APOL1: variants seen among roughly 807,000 people sequenced by gnomAD.
APOL1 encodes the protein apolipoprotein L1, also known as apolipoprotein L 1.
APOL1 carries 17 observed loss-of-function variants against 14.9 expected under a neutral mutation model. The ratio of observed to expected loss-of-function variants is 1.14; its 90% CI spans 0.78 to 1.71. APOL1 has a LOEUF of 1.71. APOL1 is among the 40% of genes most tolerant of loss of function. The pLI, the probability that APOL1 is intolerant of heterozygous loss-of-function variation, is 0.00. For missense variants in APOL1, 523 were observed against 485.9 expected, an observed-to-expected ratio of 1.08 and a Z score of -0.72; for synonymous variants, 195 against 184.8, an observed-to-expected ratio of 1.05 and a Z score of -0.45.
chr22:36,256,309 C>A (rs2015875606), intron 2 of APOL1, among the ~76,000 whole-genome samples: 1 of 152,106 alleles, frequency 6.6e-6, no homozygotes, highest in Non-Finnish European at 1.5e-5. Flanking sequence ...AGGTATAAAG[C>A]CTTTTGAGTT....
intron 4 of APOL1, among the ~76,000 whole-genome samples, chr22:36,259,505 C>T (rs2016006228): frequency 1.3e-5 from 2 of 152,148 alleles, no homozygotes; most frequent in Admixed American, 6.5e-5. Context: ...CCGCCCTGGA[C>T]AGCAAACTGG....
chr22:36,254,999 G>T lies in APOL1; in HGVS notation c.44G>T (p.Trp15Leu). The T allele has an allele frequency of 6.2e-7, 1 of 1,613,674 alleles. No individual in the cohort carries two copies. Among genetic ancestry groups the T allele is most frequent in the South Asian group, 1.1e-5 (1 of 91,080 alleles). Reference protein sequence around the residue: ...ALLRVSVLCIWMSALFLGVGV... With the variant: ...ALLRVSVLCILMSALFLGVGV... The stretch of plus-strand genomic sequence containing the variant: ...CTGAGAGTCTCTGTCCTCTGCATCT[G>T]GTGAGCTTGGCTCAGAGCCCTGAGG... Residue 15 changes from tryptophan (W) to leucine (L), a missense_variant and splice_region_variant, in exon 2 of 6, where the codon TGG becomes TTG. Physicochemically the swap from Trp to Leu is moderately conservative, Grantham distance 61. Coordinates refer to ENST00000397278, the MANE Select transcript of APOL1 (RefSeq NM_003661.4).
At position 36,265,918 on chromosome 22, in the gene APOL1, AG is replaced by A. The variant is rs1419190318; in HGVS notation, c.1087del (p.Ala363GlnfsTer9). 3 of 1,614,062 alleles carry A rather than the reference AG, an allele frequency of 1.9e-6. No homozygotes were observed. The highest frequency in any genetic ancestry group is 2.5e-6 in the Non-Finnish European group (3 of 1,180,014). ...GTGTACGAATCAAAGCACTTACATG[AG>A]GGGGCAAAGTCAGAGACAGCTGAGG... is the stretch of plus-strand genomic sequence containing the variant. ...YLVYESKHLH[E>X]GAKSETAEEL... On this transcript the variant is annotated frameshift_variant, in exon 6 of 6. Coordinates refer to ENST00000397278, the MANE Select transcript of APOL1 (RefSeq NM_003661.4). LOFTEE classifies it low-confidence loss of function (END_TRUNC).
intron 4 of APOL1, among the ~76,000 whole-genome samples, chr22:36,260,658 G>T (rs559146524): frequency 4.7e-4 from 72 of 152,262 alleles, no homozygotes; most frequent in African/African-American, 1.7e-3. Context: ...AAACATGTGT[G>T]GGTGTGATTA....
Position 36,265,475 on chromosome 22 carries a change from G to A in APOL1, c.639G>A (p.Glu213=). The A allele has an allele frequency of 1.2e-6, 2 of 1,614,140 alleles. No homozygotes were observed. The highest frequency in any genetic ancestry group is 1.1e-5 in the South Asian group (1 of 91,088). The change falls in exon 6 of 6, where the codon GAG becomes GAA. Residue 213 remains glutamate, a synonymous_variant. Coordinates refer to ENST00000397278, the MANE Select transcript of APOL1 (RefSeq NM_003661.4). ...GSLVLLEPGM[E]LGITAALTGI... ...TTGTACTCTTGGAACCTGGGATGGA[G>A]TTGGGAATCACAGCCGCTTTGACCG...
Position 36,265,449 on chromosome 22 carries a change from C to T in APOL1, c.613C>T (p.Leu205Phe). Residue 205 changes from leucine (L) to phenylalanine (F), a missense_variant, in exon 6 of 6, where the codon CTT (leucine) becomes TTT (phenylalanine). Physicochemically the swap from Leu to Phe is conservative, Grantham distance 22 (BLOSUM62 0). Transcript: ENST00000397278. Reference protein sequence around the residue: ...GLAPFTEGGSLVLLEPGMELG... With the variant: ...GLAPFTEGGSFVLLEPGMELG... ...GGCACCCTTCACAGAGGGAGGCAGC[C>T]TTGTACTCTTGGAACCTGGGATGGA... 1 of 1,614,094 alleles carries T rather than the reference C, an allele frequency of 6.2e-7. No individual in the cohort carries two copies. Among genetic ancestry groups the T allele is most frequent in the South Asian group, 1.1e-5 (1 of 91,076 alleles).
intron 1 of APOL1, among the ~76,000 whole-genome samples, chr22:36,254,533 C>G (rs999958540): frequency 6.6e-6 from 1 of 152,138 alleles, no homozygotes; most frequent in Non-Finnish European, 1.5e-5. Flanking sequence ...TGTCAAAGCC[C>G]TGCAGCCTGG....
chr22:36,255,480 A>G (rs2015841978), intron 2 of APOL1, among the ~76,000 whole-genome samples: 1 of 152,080 alleles, frequency 6.6e-6, no homozygotes. Context: ...TACAGCAAGA[A>G]GGGCCCAGAC....
intron 2 of APOL1, 26 bp from the exon 3 acceptor site, chr22:36,257,057 A>G (rs373384856): frequency 2.3e-5 from 37 of 1,613,688 alleles, no homozygotes; most frequent in Non-Finnish European, 3.0e-5. Context: ...CCGTCCTCTG[A>G]TTATCTTCTC....
chr22:36,254,087 T>G (rs962743576), intron 1 of APOL1: 30 of 1,456,644 alleles, frequency 2.1e-5, no homozygotes, highest in Non-Finnish European at 3.8e-6. Flanking sequence ...CAAACATTTT[T>G]GCTTCAATAT....
chr22:36,259,946 C>T, intron 4 of APOL1: 1 of 1,239,250 alleles, frequency 8.1e-7, no homozygotes, highest in East Asian at 5.8e-5. Context: ...ATGCAGAGAC[C>T]ACAGGCATTT....
intron 4 of APOL1, 57 bp from the exon 5 acceptor site, chr22:36,261,539 G>C: frequency 6.5e-7 from 1 of 1,544,298 alleles, no homozygotes; most frequent in Admixed American, 1.7e-5. Flanking sequence ...CTTATGCAAT[G>C]GCTGTTATGC....
At chr22:36,262,686 G>A (rs549054895) in intron 5 of APOL1, among the ~76,000 whole-genome samples, 1 of 152,290 alleles carries the variant, frequency 6.6e-6, no homozygotes, top group South Asian at 2.1e-4. Context: ...ATGTGAGTGG[G>A]AGAGGGATAT....
At chr22:36,262,100 A>G (rs2016093366) in intron 5 of APOL1, among the ~76,000 whole-genome samples, 1 of 151,856 alleles carries the variant, frequency 6.6e-6, no homozygotes, top group South Asian at 2.1e-4. Context: ...TAACGTTAAC[A>G]TCTTACAAGC....
chr22:36,254,846 G>C lies in APOL1; in HGVS notation c.-19-91G>C, dbSNP rs556305531. The C allele has an allele frequency of 2.5e-4, 391 of 1,539,650 alleles. 2 individuals carry two copies. In the African/African-American group the frequency reaches 5.0e-3, roughly 20 times the overall value. On this transcript the variant is annotated intron_variant, in intron 1 of 5. Transcript: ENST00000397278. ...CCACTGCACTCCAGCCTGGGTGATA[G>C]AGCGAGACTCCATTTCAAAAAAAAA...
chr22:36,266,959 G>A lies in APOL1; in HGVS notation c.*926G>A, dbSNP rs2016294481. On this transcript the variant is annotated 3_prime_UTR_variant, in exon 6 of 6. Coordinates refer to ENST00000397278, the MANE Select transcript of APOL1 (RefSeq NM_003661.4). ...GGAAGAATAGAGAGGAGGCTTGAAG[G>A]AACCAGCAATGAGAAGGCCAGGAAA... The A allele has an allele frequency of 6.4e-6, 1 of 155,826 alleles. No homozygotes were observed. The highest frequency in any genetic ancestry group is 1.4e-5 in the Non-Finnish European group (1 of 70,680). The allele number at this position is 155,826 out of a possible 1,614,324, so 9.7% of individuals were successfully genotyped here. A position where few individuals can be genotyped will look rare whatever the true frequency, so the allele number is the denominator to read the frequency against.
In APOL1 at chr22:36,266,095, C is replaced by CTTT; in HGVS notation, c.*72_*74dup. 8.7e-7 allele frequency: 1 copy of CTTT among 1,151,136 alleles called. No individual in the cohort carries two copies. Among genetic ancestry groups the CTTT allele is most frequent in the Non-Finnish European group, 1.2e-6 (1 of 851,920 alleles). The allele number at this position is 1,151,136 out of a possible 1,614,324, so 71.3% of individuals were successfully genotyped here. A position where few individuals can be genotyped will look rare whatever the true frequency, so the allele number is the denominator to read the frequency against. On this transcript the variant is annotated 3_prime_UTR_variant, in exon 6 of 6. Coordinates refer to ENST00000397278, the MANE Select transcript of APOL1 (RefSeq NM_003661.4). Reference sequence around the variant, plus strand: ...GGCAGGGGCCAGGACAAAATGCAAACTTTTTTTTTTTTCTGAGACAGAGTC... The same window carrying CTTT: ...GGCAGGGGCCAGGACAAAATGCAAACTTTTTTTTTTTTTTTCTGAGACAGAGTC...
intron 4 of APOL1, among the ~76,000 whole-genome samples, chr22:36,261,385 G>A (rs539024235): frequency 6.6e-5 from 10 of 152,094 alleles, no homozygotes; most frequent in Non-Finnish European, 1.3e-4. Context: ...CTTCCTTAAA[G>A]GCCAGATCTC....
intron 5 of APOL1, among the ~76,000 whole-genome samples, chr22:36,264,617 G>A (rs2016173594): frequency 2.0e-5 from 3 of 152,254 alleles, no homozygotes; most frequent in Admixed American, 1.3e-4. Context: ...CATCTGAGAT[G>A]CCTTTAAGAT....
Sources: allele counts gnomAD v4.1 joint callset (sites outside exome capture counted in the v4.1 genomes callset), GRCh38; gene constraint gnomAD v4.1.1; transcripts MANE v1.5; gene names NCBI Gene and HGNC (gene_info 2026-07-23, HGNC 2026-07-21).